Variants in PDE1B observed in about 807,000 individuals in gnomAD.
PDE1B encodes the protein phosphodiesterase 1B, also known as dual specificity calcium/calmodulin-dependent 3',5'-cyclic nucleotide phosphodiesterase 1B.
A neutral mutation model predicts 66.7 loss-of-function variants in PDE1B; 13 were observed. That is an observed-to-expected ratio of 0.19 (90% CI 0.13 to 0.31). The LOEUF (loss-of-function observed/expected upper bound fraction) is 0.31, where lower values mean the gene tolerates loss of function less well. Among genes scored for constraint, PDE1B ranks in the 10% least tolerant of loss-of-function variants. The pLI is 1.00. For synonymous variants in PDE1B, 230 were observed against 253.9 expected (o/e 0.91, Z 0.90); for missense variants, 485 against 682.3 (o/e 0.71, Z 3.22).
chr12:54,567,108 GAGA>G, intron 3 of PDE1B, 21 bp downstream of exon 3: 2 of 1,256,084 alleles, frequency 1.6e-6, no homozygotes, highest in Non-Finnish European at 2.3e-6. Flanking sequence ...CCGACAGACA[GAGA>G]AGGAGAAAGA....
rs1367591614 is a variant in PDE1B, at chr12:54,569,991, C to T, written c.478-250C>T. Among the ~76,000 whole-genome samples the T allele has an allele frequency of 3.3e-5, 5 of 152,192 alleles. No homozygotes were observed. Among genetic ancestry groups the T allele is most frequent in the East Asian group, 1.9e-4 (1 of 5,196 alleles). On this transcript the variant is annotated intron_variant, in intron 5 of 15. Coordinates refer to ENST00000243052, the MANE Select transcript of PDE1B (RefSeq NM_000924.4). The surrounding 1 kb of genome is among the most constrained non-coding windows in gnomAD (Gnocchi z 4.4). ...TTGGGATTACAGACGTGAGCCACTGCGCCCGGCCTGCCTTCCCTTTTAACT... is the reference window on the plus strand; with the variant it reads ...TTGGGATTACAGACGTGAGCCACTGTGCCCGGCCTGCCTTCCCTTTTAACT...
rs1250073990 is a variant in PDE1B, at chr12:54,570,364, C to T, written c.594+7C>T. The T allele has an allele frequency of 2.0e-6, 3 of 1,510,190 alleles. No homozygotes were observed. The East Asian group carries it at 6.8e-5, about 34-fold the overall frequency. 93.5% of individuals were successfully genotyped at this position (1,510,190 alleles called of 1,614,324 possible). ...CCTCATCAGCCGCTTCAAGGTTGGG[C>T]AGCATCCTACCTCTACCTCCAGGCA... On this transcript the variant is annotated splice_region_variant and intron_variant, in intron 6 of 15. Coordinates refer to ENST00000243052, the MANE Select transcript of PDE1B (RefSeq NM_000924.4).
In PDE1B at chr12:54,578,742, T is replaced by C. The variant is rs191560225; in HGVS notation, c.*900T>C. The C allele has an allele frequency of 3.8e-3, 577 of 152,316 alleles. 5 individuals carry two copies. The highest frequency in any genetic ancestry group is 5.5e-3 in the Non-Finnish European group (375 of 68,106). The allele number at this position is 152,316 out of a possible 1,614,324, so 9.4% of individuals were successfully genotyped here. ...ACCTTCAGAATGTATCGACACCAGC[T>C]GGGTTAGGGTCAAGGGTGCCTGGGG... On this transcript the variant is annotated 3_prime_UTR_variant, in exon 16 of 16. Coordinates refer to ENST00000243052, the MANE Select transcript of PDE1B (RefSeq NM_000924.4).
rs1381027092 is a variant in PDE1B at position 54,561,605 on chromosome 12, T to C, written c.114-5369T>C. ...TTCCCATGGCAAACCCTGTTCCTGTTCAGAGGAGCCACCTCCAGGGCCCCA... is the reference window on the plus strand; with the variant it reads ...TTCCCATGGCAAACCCTGTTCCTGTCCAGAGGAGCCACCTCCAGGGCCCCA... On this transcript the variant is annotated intron_variant, in intron 2 of 15. Transcript: ENST00000243052. 3 of 1,533,782 alleles carry C rather than the reference T, an allele frequency of 2.0e-6. No homozygotes were observed. The South Asian group carries it at 3.6e-5, about 18-fold the overall frequency.
chr12:54,561,385 G>T (rs7954532), intron 2 of PDE1B: 734,129 of 1,063,606 alleles, frequency 0.69, 256,532 homozygotes, highest in Non-Finnish European at 0.72. Flanking sequence ...ACCCAGTTCC[G>T]GTAGGCTGGG....
intron 2 of PDE1B, among the ~76,000 whole-genome samples, chr12:54,566,005 G>C (rs1957508670): frequency 6.6e-6 from 1 of 152,152 alleles, no homozygotes; most frequent in African/African-American, 2.4e-5. Flanking sequence ...AGGTGGGTGG[G>C]GCAGGGTGAG....
intron 14 of PDE1B, chr12:54,576,985 T>C: frequency 1.6e-6 from 1 of 606,160 alleles, no homozygotes. Context: ...TAGATTTGGC[T>C]AATTTGGTGG....
At chr12:54,555,901 C>T (rs1031898348) in intron 2 of PDE1B, among the ~76,000 whole-genome samples, 4 of 152,190 alleles carry the variant, frequency 2.6e-5, no homozygotes, top group Admixed American at 2.6e-4. Context: ...TCTCCTCCCT[C>T]ATCTTGGCTA....
chr12:54,557,871 T>G (rs958496983), intron 2 of PDE1B, among the ~76,000 whole-genome samples: 3 of 152,034 alleles, frequency 2.0e-5, no homozygotes, highest in Non-Finnish European at 2.9e-5. Flanking sequence ...TCTTCTGGAC[T>G]GGGTACTGGG....
intron 2 of PDE1B, among the ~76,000 whole-genome samples, chr12:54,561,798 C>T (rs1017065985): frequency 1.3e-5 from 2 of 151,772 alleles, no homozygotes; most frequent in Middle Eastern, 3.2e-3. Context: ...GCCAACTTCA[C>T]CTTTTACTCT....
At chr12:54,567,961 ATTC>A (rs1180528910) in intron 3 of PDE1B, among the ~76,000 whole-genome samples, 3 of 152,056 alleles carry the variant, frequency 2.0e-5, no homozygotes, top group African/African-American at 4.8e-5. Context: ...GGTTCAAGCA[ATTC>A]TTCTGCCTCA....
intron 2 of PDE1B, among the ~76,000 whole-genome samples, chr12:54,563,619 G>A (rs902496189): frequency 2.0e-5 from 3 of 152,048 alleles, no homozygotes; most frequent in African/African-American, 7.2e-5. Context: ...TGTGAGCTGG[G>A]TTAGGACCAC....
chr12:54,561,391 C>A, intron 2 of PDE1B: 1 of 1,132,296 alleles, frequency 8.8e-7, no homozygotes, highest in Non-Finnish European at 1.1e-6. Context: ...TTCCGGTAGG[C>A]TGGGTCTCTG....
chr12:54,552,108 A>C (rs1205038301), intron 2 of PDE1B, among the ~76,000 whole-genome samples: 1 of 152,192 alleles, frequency 6.6e-6, no homozygotes, highest in African/African-American at 2.4e-5. Flanking sequence ...GGTAGATCCC[A>C]ACTTGATCTA....
Position 54,575,457 on chromosome 12 carries a change from A to T in PDE1B, c.1186-94A>T. 1 of 895,308 alleles carries T rather than the reference A, an allele frequency of 1.1e-6. No individual in the cohort carries two copies. Among genetic ancestry groups the T allele is most frequent in the Non-Finnish European group, 1.9e-6 (1 of 531,896 alleles). 55.5% of individuals were successfully genotyped at this position (895,308 alleles called of 1,614,324 possible). ...GTCAACAGTGCAGAAATTTCACACA[A>T]CAACCCCCCACCCCCACCACTTGCC... On this transcript the variant is annotated intron_variant, in intron 11 of 15. Coordinates refer to ENST00000243052, the MANE Select transcript of PDE1B (RefSeq NM_000924.4). The surrounding 1 kb of genome is among the most constrained non-coding windows in gnomAD (Gnocchi z 4.0).
At chr12:54,566,932 G>A in intron 2 of PDE1B, 42 bp from the exon 3 acceptor site, 1 of 1,013,296 alleles carries the variant, frequency 9.9e-7, no homozygotes, top group Middle Eastern at 2.5e-4. Flanking sequence ...TCATGATAAG[G>A]TAGCTGTGCC....
At chr12:54,572,079 G>A (rs1027284040) in intron 6 of PDE1B, 2 of 154,854 alleles carry the variant, frequency 1.3e-5, no homozygotes, top group Non-Finnish European at 2.9e-5. Flanking sequence ...TGTGTTCTGT[G>A]GGACTGAGGG....
chr12:54,576,613 C>T lies in PDE1B; in HGVS notation c.1419C>T (p.Asp473=), dbSNP rs1455670074. 1 of 1,613,848 alleles carries T rather than the reference C, an allele frequency of 6.2e-7. No homozygotes were observed. ...CCTCTCTGGATGTGGAAGTGGGAGA[C>T]CCCAACCCTGATGTGGTCAGCTTTC... ...RQPSLDVEVG[D]PNPDVVSFRS... is the part of the protein sequence containing the mutation. The change falls in exon 14 of 16, where the codon GAC becomes GAT. Residue 473 remains aspartate, a synonymous_variant. Coordinates refer to ENST00000243052, the MANE Select transcript of PDE1B (RefSeq NM_000924.4).
chr12:54,557,559 C>T (rs1169489824), intron 2 of PDE1B, among the ~76,000 whole-genome samples: 1 of 152,182 alleles, frequency 6.6e-6, no homozygotes, highest in East Asian at 1.9e-4. Context: ...AACAGATCCC[C>T]AGAGATAGTT....
Sources: gnomAD v4.1 joint callset for allele counts (sites outside exome capture counted in the v4.1 genomes callset) on GRCh38, gnomAD v4.1.1 for gene constraint, Gnocchi (gnomAD v3.1) non-coding constraint, MANE v1.5 for transcripts, NCBI Gene and HGNC (gene_info 2026-07-23, HGNC 2026-07-21) for gene names.